The following HSD11B1 variants were observed in gnomAD, a reference collection of about 807,000 sequenced individuals.
The protein encoded by HSD11B1 is hydroxysteroid 11-beta dehydrogenase 1.
Under a neutral mutation model 22.1 loss-of-function variants are expected in HSD11B1, and 15 were observed. The observed-to-expected ratio is 0.68, with a 90% confidence interval of 0.45 to 1.04. The LOEUF (loss-of-function observed/expected upper bound fraction) is 1.04. Among genes scored for constraint, HSD11B1 ranks in the 50% least tolerant of loss-of-function variants. The pLI, the probability that HSD11B1 is intolerant of heterozygous loss-of-function variation, is 0.00. For synonymous variants in HSD11B1, 122 were observed against 125.2 expected (o/e 0.97, Z 0.17); for missense variants, 281 against 357.6 (o/e 0.79, Z 1.73).
intron 4 of HSD11B1, among the ~76,000 whole-genome samples, chr1:209,727,788 G>T (rs1479834681): frequency 6.6e-6 from 1 of 152,198 alleles, no homozygotes; most frequent in Non-Finnish European, 1.5e-5. Context: ...AGAGGTTATT[G>T]TGTTTGCTCC....
chr1:209,707,181 G>A, intron 4 of HSD11B1, 53 bp downstream of exon 4: 2 of 1,409,664 alleles, frequency 1.4e-6, no homozygotes, highest in Non-Finnish European at 2.0e-6. Context: ...AAAATGCCAG[G>A]GATGATGCCA....
intron 4 of HSD11B1, among the ~76,000 whole-genome samples, chr1:209,724,962 A>G (rs944641669): frequency 6.6e-6 from 1 of 152,152 alleles, no homozygotes; most frequent in Non-Finnish European, 1.5e-5. Flanking sequence ...AAGCTATGGG[A>G]AAAAAATGGA....
intron 4 of HSD11B1, among the ~76,000 whole-genome samples, chr1:209,717,673 T>G (rs995985503): frequency 1.3e-5 from 2 of 151,956 alleles, no homozygotes; most frequent in Admixed American, 1.3e-4. Context: ...CTGGCCAACA[T>G]GGTGAAACCC....
In HSD11B1 at chr1:209,687,183, G is replaced by A. The variant is rs1299441618; in HGVS notation, c.-49+898G>A. On this transcript the variant is annotated intron_variant, in intron 1 of 6. Transcript: ENST00000261465. ...GCTTCAGAAAACATCTACAGACGAC[G>A]ATGATGTGTTTTCACAACAGTTGGC... is the stretch of plus-strand genomic sequence containing the variant. Among the ~76,000 whole-genome samples the A allele has an allele frequency of 3.9e-5, 6 of 152,304 alleles. No homozygotes were observed. In the East Asian group the frequency reaches 9.6e-4, roughly 24 times the overall value.
chr1:209,712,564 G>A (rs2076904707), intron 4 of HSD11B1, among the ~76,000 whole-genome samples: 1 of 152,126 alleles, frequency 6.6e-6, no homozygotes, highest in Admixed American at 6.5e-5. Context: ...GAGTATCTAT[G>A]GATTTGGGTA....
chr1:209,731,082 G>A (rs546715439), intron 4 of HSD11B1, among the ~76,000 whole-genome samples: 1 of 152,196 alleles, frequency 6.6e-6, no homozygotes, highest in Non-Finnish European at 1.5e-5. Flanking sequence ...AGAGGTTGGG[G>A]TTACCGTAAT....
At chr1:209,688,876 CT>C (rs1291964103) in intron 1 of HSD11B1, among the ~76,000 whole-genome samples, 4 of 152,142 alleles carry the variant, frequency 2.6e-5, no homozygotes, top group African/African-American at 9.7e-5. Context: ...TGTCAACACT[CT>C]TGGAAGATGG....
intron 1 of HSD11B1, among the ~76,000 whole-genome samples, chr1:209,690,263 G>A (rs747191075): frequency 2.6e-5 from 4 of 152,188 alleles, no homozygotes; most frequent in East Asian, 1.9e-4. Context: ...CTGTGATGGC[G>A]CCACTGCGCT....
chr1:209,714,702 C>T (rs2076919662), intron 4 of HSD11B1, among the ~76,000 whole-genome samples: 1 of 152,092 alleles, frequency 6.6e-6, no homozygotes, highest in South Asian at 2.1e-4. Context: ...TTTTAGCATC[C>T]TTGGCTCTGA....
In HSD11B1 at chr1:209,734,656, T is replaced by C. The variant is rs962985763; in HGVS notation, c.*135T>C. On this transcript the variant is annotated 3_prime_UTR_variant, in exon 6 of 6. Coordinates refer to ENST00000367027, the MANE Select transcript of HSD11B1 (RefSeq NM_005525.4). ...CAAGTCATGGGTCACACCTGACAAA[T>C]GGAAGGAGTTCCTCTAACATTTGCA... 4 of 725,942 alleles carry C rather than the reference T, an allele frequency of 5.5e-6. No individual in the cohort carries two copies. The highest frequency in any genetic ancestry group is 2.0e-5 in the Admixed American group (1 of 48,990). 45.0% of individuals were successfully genotyped at this position (725,942 alleles called of 1,614,324 possible).
At chr1:209,693,744 C>A (rs933493502) in intron 1 of HSD11B1, among the ~76,000 whole-genome samples, 3 of 152,210 alleles carry the variant, frequency 2.0e-5, no homozygotes, top group Admixed American at 6.5e-5. Context: ...TAACTCATTT[C>A]TATCCCCCAA....
intron 4 of HSD11B1, among the ~76,000 whole-genome samples, chr1:209,714,669 T>C (rs933733969): frequency 6.6e-6 from 1 of 152,194 alleles, no homozygotes; most frequent in Non-Finnish European, 1.5e-5. Flanking sequence ...TGTGTGGGAC[T>C]GTCTGATGCA....
chr1:209,730,209 GA>G (rs767595489), intron 4 of HSD11B1, among the ~76,000 whole-genome samples: 4 of 152,332 alleles, frequency 2.6e-5, no homozygotes, highest in South Asian at 4.1e-4. Context: ...ACTTAACAAA[GA>G]GAGATTCCTT....
At chr1:209,701,309 A>G (rs1345396026), upstream of HSD11B1, among the ~76,000 whole-genome samples, 1 of 152,212 alleles carries the variant, frequency 6.6e-6, no homozygotes, top group Admixed American at 6.5e-5. Flanking sequence ...TAGCAAGAGA[A>G]AAATGAGGAA....
At chr1:209,698,524 G>A (rs1220709255) in intron 1 of HSD11B1, among the ~76,000 whole-genome samples, 2 of 152,212 alleles carry the variant, frequency 1.3e-5, no homozygotes, top group Non-Finnish European at 2.9e-5. Context: ...TGGTCATGCT[G>A]AGGTCAGTCC....
At chr1:209,705,642 T>C (rs2076853226) in intron 1 of HSD11B1, among the ~76,000 whole-genome samples, 169 bp from the exon 2 acceptor site, 1 of 152,238 alleles carries the variant, frequency 6.6e-6, no homozygotes, top group African/African-American at 2.4e-5. Context: ...AGCATGTTTA[T>C]GAAAGACCTG....
At chr1:209,727,295 T>G (rs2077008778) in intron 4 of HSD11B1, among the ~76,000 whole-genome samples, 1 of 152,162 alleles carries the variant, frequency 6.6e-6, no homozygotes. Flanking sequence ...TGCTGATAAC[T>G]TGGTTTTGGA....
intron 4 of HSD11B1, among the ~76,000 whole-genome samples, chr1:209,718,561 CA>C (rs1001726152): frequency 1.3e-5 from 2 of 151,696 alleles, no homozygotes; most frequent in African/African-American, 4.9e-5. Context: ...CCCACACCCC[CA>C]AAAAACAGAA....
upstream of HSD11B1, among the ~76,000 whole-genome samples, chr1:209,702,246 AT>A (rs1490262186): frequency 6.6e-6 from 1 of 152,240 alleles, no homozygotes. Context: ...AGAATGCTGA[AT>A]CCCAGTGATT....
Sources: gnomAD v4.1 joint callset for allele counts (sites outside exome capture counted in the v4.1 genomes callset) on GRCh38, gnomAD v4.1.1 for gene constraint, MANE v1.5 for transcripts, NCBI Gene and HGNC (gene_info 2026-07-23, HGNC 2026-07-21) for gene names.